The following PIBF1 variants were observed in gnomAD, a reference collection of about 807,000 sequenced individuals.
PIBF1 encodes the protein progesterone immunomodulatory binding factor 1.
In PIBF1, 90 loss-of-function variants were observed where a neutral mutation model predicts 112.5. The ratio of observed to expected loss-of-function variants is 0.80; its 90% CI spans 0.67 to 0.95. The LOEUF is 0.95. Among genes scored for constraint, PIBF1 ranks in the 40% least tolerant of loss-of-function variants. The pLI is 0.00. For missense variants in PIBF1, 915 were observed against 852.3 expected (o/e 1.07, Z -0.92); for synonymous variants, 301 against 288.6 (o/e 1.04, Z -0.44).
At chr13:72,879,988 C>T (rs1409747751) in intron 10 of PIBF1, among the ~76,000 whole-genome samples, 1 of 152,178 alleles carries the variant, frequency 6.6e-6, no homozygotes, top group African/African-American at 2.4e-5. Context: ...AAAATACTTA[C>T]TCTTTGGTCC....
At chr13:72,876,134 C>CTTTTTTTTTTTTTTT (rs386363749) in intron 10 of PIBF1, among the ~76,000 whole-genome samples, 7 of 91,236 alleles carry the variant, frequency 7.7e-5, no homozygotes, top group African/African-American at 1.3e-4. Flanking sequence ...TGTTCAGATT[C>CTTTTTTTTTTTTTTT]TTTTTTTTTT....
intron 10 of PIBF1, among the ~76,000 whole-genome samples, chr13:72,865,385 C>T (rs928653093): frequency 2.0e-5 from 3 of 152,106 alleles, no homozygotes; most frequent in Admixed American, 2.0e-4. Context: ...TTTGTAAAAA[C>T]TAGCAATTTA....
intron 14 of PIBF1, among the ~76,000 whole-genome samples, chr13:72,946,937 C>G (rs2042164605): frequency 6.6e-6 from 1 of 152,196 alleles, no homozygotes; most frequent in South Asian, 2.1e-4. Flanking sequence ...GTTAGTAGAT[C>G]TACAGTTCTG....
At chr13:72,963,809 A>G (rs1022844698) in intron 14 of PIBF1, among the ~76,000 whole-genome samples, 16 of 152,172 alleles carry the variant, frequency 1.1e-4, no homozygotes, top group Admixed American at 2.6e-4. Flanking sequence ...AGATATACAA[A>G]TGCCCAGTAT....
rs1238049633 is a variant in PIBF1 at position 72,893,834 on chromosome 13, A to G, written c.1373A>G (p.His458Arg). The G allele has an allele frequency of 2.5e-6, 4 of 1,605,644 alleles. No homozygotes were observed. Among genetic ancestry groups the G allele is most frequent in the Non-Finnish European group, 2.6e-6 (3 of 1,175,718 alleles). ...STESKVTEFL[H>R]QSKLKSFESE... ...GAAAGCAAAGTAACAGAATTTCTCC[A>G]TCAAAGTAAATTAAAATCTTTTGAA... is the stretch of plus-strand genomic sequence containing the variant. The change falls in exon 11 of 18, where the codon CAT (histidine) becomes CGT (arginine). Residue 458 changes from histidine (H) to arginine (R), a missense_variant. Transcript: ENST00000326291.
At chr13:72,964,803 C>T (rs760158785) in intron 14 of PIBF1, among the ~76,000 whole-genome samples, 1 of 151,986 alleles carries the variant, frequency 6.6e-6, no homozygotes, top group Non-Finnish European at 1.5e-5. Context: ...TGGCTCACAC[C>T]CGTAGTCCCC....
chr13:72,837,733 AG>A (rs2037423240), intron 9 of PIBF1, among the ~76,000 whole-genome samples: 1 of 152,114 alleles, frequency 6.6e-6, no homozygotes, highest in African/African-American at 2.4e-5. Flanking sequence ...TGCACAATAT[AG>A]TTTAGTTTTT....
At chr13:72,991,814 A>G (rs1413501189) in intron 16 of PIBF1, among the ~76,000 whole-genome samples, 1 of 150,904 alleles carries the variant, frequency 6.6e-6, no homozygotes, top group Non-Finnish European at 1.5e-5. Flanking sequence ...CACCTCCCGG[A>G]TTCATGCCAT....
At chr13:72,910,751 G>T (rs577272744) in intron 12 of PIBF1, among the ~76,000 whole-genome samples, 2 of 152,164 alleles carry the variant, frequency 1.3e-5, no homozygotes, top group African/African-American at 2.4e-5. Flanking sequence ...GAATATAGCA[G>T]AATATATAGT....
intron 17 of PIBF1, among the ~76,000 whole-genome samples, chr13:73,000,157 A>AAGGCGGCTG (rs1215289719): frequency 3.3e-5 from 5 of 152,204 alleles, no homozygotes. Flanking sequence ...GCCTGGACAC[A>AAGGCGGCTG]AGGCGGCTGA....
At chr13:72,956,576 A>G (rs549759126) in intron 14 of PIBF1, among the ~76,000 whole-genome samples, 1 of 152,282 alleles carries the variant, frequency 6.6e-6, no homozygotes, top group African/African-American at 2.4e-5. Context: ...GCATGGCATT[A>G]TGGATATTCT....
chr13:72,956,050 G>A (rs766850698), intron 14 of PIBF1, among the ~76,000 whole-genome samples: 4 of 152,242 alleles, frequency 2.6e-5, no homozygotes, highest in Non-Finnish European at 4.4e-5. Context: ...TGGAAGAAAG[G>A]CAAGAGAGAG....
chr13:72,830,282 G>C (rs1432441360), intron 8 of PIBF1, among the ~76,000 whole-genome samples: 1 of 152,018 alleles, frequency 6.6e-6, no homozygotes. Context: ...TCTCTTTCCT[G>C]ATTGCCCTGG....
intron 15 of PIBF1, among the ~76,000 whole-genome samples, chr13:72,971,185 A>AGT (rs771878197): frequency 0.1 from 12,199 of 119,932 alleles, 552 homozygotes; most frequent in Middle Eastern, 0.12. Flanking sequence ...ACAGAGAGTG[A>AGT]GTGTGTGTGT....
chr13:72,959,229 C>A (rs1299786250), intron 14 of PIBF1, among the ~76,000 whole-genome samples: 1 of 152,158 alleles, frequency 6.6e-6, no homozygotes, highest in African/African-American at 2.4e-5. Flanking sequence ...TTCCTGACCT[C>A]AAGCAATCCA....
intron 11 of PIBF1, among the ~76,000 whole-genome samples, chr13:72,903,692 C>A (rs1321058358): frequency 6.6e-6 from 1 of 152,114 alleles, no homozygotes; most frequent in Non-Finnish European, 1.5e-5. Context: ...GCATACACAT[C>A]CTTACTATTA....
At chr13:72,902,295 GT>G (rs139020752) in intron 11 of PIBF1, among the ~76,000 whole-genome samples, 18,097 of 151,980 alleles carry the variant, frequency 0.12, 1,441 homozygotes, top group Non-Finnish European at 0.17. Context: ...TACTGCCCCG[GT>G]TGATGGGTGC....
chr13:72,822,253 T>A (rs2036592029), intron 6 of PIBF1, among the ~76,000 whole-genome samples: 1 of 152,172 alleles, frequency 6.6e-6, no homozygotes, highest in Admixed American at 6.5e-5. Context: ...CAGTGTTATT[T>A]GATGATTATT....
At chr13:72,790,293 C>T (rs1186053880) in intron 2 of PIBF1, among the ~76,000 whole-genome samples, 1 of 151,990 alleles carries the variant, frequency 6.6e-6, no homozygotes, top group Non-Finnish European at 1.5e-5. Flanking sequence ...TAACTGGGGC[C>T]ATTTATAAGA....
Sources: gnomAD v4.1 joint callset for allele counts (sites outside exome capture counted in the v4.1 genomes callset) on GRCh38, gnomAD v4.1.1 for gene constraint, MANE v1.5 for transcripts, NCBI Gene and HGNC (gene_info 2026-07-23, HGNC 2026-07-21) for gene names.